XKR4: variants seen among roughly 807,000 people sequenced by gnomAD.
The protein encoded by XKR4 is XK-related protein 4.
Under a neutral mutation model 53.9 loss-of-function variants are expected in XKR4, and 12 were observed. The observed-to-expected ratio is 0.22, with a 90% confidence interval of 0.14 to 0.36. The LOEUF (loss-of-function observed/expected upper bound fraction) is 0.36. XKR4 is among the 10% of genes least tolerant of loss of function. XKR4 has a pLI of 1.00. For synonymous variants in XKR4, 354 were observed against 362.4 expected, an observed-to-expected ratio of 0.98 and a Z score of 0.26; for missense variants, 799 against 859.5, an observed-to-expected ratio of 0.93 and a Z score of 0.88.
Position 55,102,339 on chromosome 8 carries a change from G to T in XKR4, c.-150G>T, listed in dbSNP as rs1312374222. 1.9e-6 allele frequency: 2 copies of T among 1,057,308 alleles called. No individual in the cohort carries two copies. Among genetic ancestry groups the T allele is most frequent in the East Asian group, 1.2e-4 (2 of 17,292 alleles). The allele number at this position is 1,057,308 out of a possible 1,614,324, so 65.5% of individuals were successfully genotyped here. Reference sequence around the variant, plus strand: ...AGCCCGGCGGGCGGCGGGCGGCGGCGGACGGCAGGCGAGCCGACGCAGGAG... The same window carrying T: ...AGCCCGGCGGGCGGCGGGCGGCGGCTGACGGCAGGCGAGCCGACGCAGGAG... On this transcript the variant is annotated 5_prime_UTR_variant, in exon 1 of 3. Coordinates refer to ENST00000327381, the MANE Select transcript of XKR4 (RefSeq NM_052898.2). The surrounding 1 kb of genome is among the most constrained non-coding windows in gnomAD (Gnocchi z 5.1).
intron 2 of XKR4, among the ~76,000 whole-genome samples, chr8:55,390,264 G>C (rs982704907): frequency 6.6e-6 from 1 of 152,210 alleles, no homozygotes; most frequent in Non-Finnish European, 1.5e-5. Flanking sequence ...AACTGAGGAA[G>C]TTAGGTTAAT....
chr8:55,162,753 A>G (rs1817003518), intron 1 of XKR4, among the ~76,000 whole-genome samples: 1 of 152,158 alleles, frequency 6.6e-6, no homozygotes, highest in African/African-American at 2.4e-5. Flanking sequence ...AAATTGAACT[A>G]CCCTTTCAAT....
chr8:55,345,980 A>G (rs1306737556), intron 1 of XKR4, among the ~76,000 whole-genome samples: 2 of 152,186 alleles, frequency 1.3e-5, no homozygotes, highest in African/African-American at 4.8e-5. Context: ...GAGTAGTCAA[A>G]TCCCGAGAAG....
At chr8:55,499,393 T>C (rs1176658368) in intron 2 of XKR4, among the ~76,000 whole-genome samples, 2 of 152,198 alleles carry the variant, frequency 1.3e-5, no homozygotes, top group Non-Finnish European at 2.9e-5. Flanking sequence ...ATTTCCCACC[T>C]ACCATGTGAC....
intron 1 of XKR4, among the ~76,000 whole-genome samples, chr8:55,354,746 C>T (rs887665402): frequency 6.7e-6 from 1 of 150,028 alleles, no homozygotes; most frequent in Non-Finnish European, 1.5e-5. Flanking sequence ...GGATAAAAAT[C>T]ATAAGCAAAT....
At chr8:55,184,029 G>A (rs533608584) in intron 1 of XKR4, among the ~76,000 whole-genome samples, 1 of 152,252 alleles carries the variant, frequency 6.6e-6, no homozygotes, top group South Asian at 2.1e-4. Flanking sequence ...AGGGTTCATG[G>A]AGAGAAAGCT....
rs555994361 is a variant in XKR4, at chr8:55,257,342, T to C, written c.807-100336T>C. 2.6e-5 allele frequency among the ~76,000 whole-genome samples: 4 copies of C among 151,488 alleles called. No homozygotes were observed. In the South Asian group the frequency reaches 8.4e-4, roughly 32 times the overall value. On this transcript the variant is annotated intron_variant, in intron 1 of 2. Coordinates refer to ENST00000327381, the MANE Select transcript of XKR4 (RefSeq NM_052898.2). ...CCACAGTTGAAAATTTAAAAATAGA[T>C]ATTTCTAAAGAGAAAGATGGAGGCA...
intron 1 of XKR4, among the ~76,000 whole-genome samples, chr8:55,301,005 A>T (rs1340986377): frequency 6.6e-6 from 1 of 152,014 alleles, no homozygotes; most frequent in African/African-American, 2.4e-5. Context: ...ATTTTTTATT[A>T]TTATGATACT....
At chr8:55,412,953 G>T (rs141261826) in intron 2 of XKR4, among the ~76,000 whole-genome samples, 1 of 152,148 alleles carries the variant, frequency 6.6e-6, no homozygotes, top group East Asian at 1.9e-4. Context: ...AATTAAAGTC[G>T]CCAGCAGAAC....
chr8:55,321,735 A>T (rs1250797118), intron 1 of XKR4, among the ~76,000 whole-genome samples: 2 of 152,216 alleles, frequency 1.3e-5, no homozygotes, highest in African/African-American at 4.8e-5. Context: ...TCATGCCTGT[A>T]ATCCCAGCAC....
intron 2 of XKR4, chr8:55,452,183 A>G: frequency 1.4e-6 from 1 of 725,736 alleles, no homozygotes; most frequent in Non-Finnish European, 2.4e-6. Flanking sequence ...CGGCACTGTC[A>G]GACCCCACCT....
chr8:55,301,894 AGC>A (rs1265525102), intron 1 of XKR4, among the ~76,000 whole-genome samples: 21 of 152,292 alleles, frequency 1.4e-4, no homozygotes, highest in African/African-American at 4.6e-4. Context: ...TCTGGATATT[AGC>A]CCTTTGTCAG....
At chr8:55,316,932 A>G in intron 1 of XKR4, among the ~76,000 whole-genome samples, 1 of 152,196 alleles carries the variant, frequency 6.6e-6, no homozygotes, top group East Asian at 1.9e-4. Flanking sequence ...GAATAACAGA[A>G]GTATATCGGA....
intron 2 of XKR4, among the ~76,000 whole-genome samples, chr8:55,481,261 A>G (rs534999544): frequency 7.3e-4 from 111 of 152,264 alleles, no homozygotes; most frequent in Non-Finnish European, 1.4e-3. Flanking sequence ...CAACCATCTG[A>G]CTTTGACAAA....
intron 2 of XKR4, among the ~76,000 whole-genome samples, chr8:55,520,472 G>C (rs1196975300): frequency 6.6e-6 from 1 of 152,186 alleles, no homozygotes; most frequent in Non-Finnish European, 1.5e-5. Context: ...TATGGTCCCA[G>C]CTACTCAGGA....
At chr8:55,392,883 A>C (rs992998435) in intron 2 of XKR4, among the ~76,000 whole-genome samples, 4 of 152,154 alleles carry the variant, frequency 2.6e-5, no homozygotes, top group Non-Finnish European at 5.9e-5. Flanking sequence ...TAACTAGGGT[A>C]CCAACTTTTT....
At chr8:55,250,446 A>G (rs1410261298) in intron 1 of XKR4, among the ~76,000 whole-genome samples, 1 of 152,160 alleles carries the variant, frequency 6.6e-6, no homozygotes, top group Non-Finnish European at 1.5e-5. Context: ...GGCTGCCCTG[A>G]TTCTGGACCT....
intron 1 of XKR4, among the ~76,000 whole-genome samples, chr8:55,247,858 T>TC (rs1554572236): frequency 0.21 from 19,472 of 94,766 alleles, 1,633 homozygotes; most frequent in East Asian, 0.42. Context: ...TTTCTTTCTT[T>TC]TTTTTTTTTT....
intron 1 of XKR4, among the ~76,000 whole-genome samples, chr8:55,292,718 G>A (rs919500638): frequency 3.3e-5 from 5 of 152,034 alleles, no homozygotes; most frequent in African/African-American, 1.2e-4. Flanking sequence ...TCTAGAGGTA[G>A]GGGCATGAAT....
Sources: gnomAD v4.1 joint callset for allele counts (sites outside exome capture counted in the v4.1 genomes callset) on GRCh38, gnomAD v4.1.1 for gene constraint, Gnocchi (gnomAD v3.1) non-coding constraint, MANE v1.5 for transcripts, NCBI Gene and HGNC (gene_info 2026-07-23, HGNC 2026-07-21) for gene names.